The following SIDT1 variants were observed in gnomAD, a reference collection of about 807,000 sequenced individuals.
SIDT1 encodes the protein SID1 transmembrane family, member 1.
Under a neutral mutation model 107.5 loss-of-function variants are expected in SIDT1, and 101 were observed. The observed-to-expected ratio is 0.94, with a 90% CI of 0.80 to 1.11. SIDT1 has a LOEUF of 1.11. Ranked by LOEUF, SIDT1 falls within the 50% of genes least tolerant of loss-of-function variation. The probability of loss-of-function intolerance (pLI) is 0.00; values close to 1 mark genes in which losing one functional copy is unlikely to be tolerated. For synonymous variants in SIDT1, 395 were observed against 398.2 expected, an observed-to-expected ratio of 0.99 and a Z score of 0.10; for missense variants, 1,076 against 1,058.2, an observed-to-expected ratio of 1.02 and a Z score of -0.23.
At position 113,619,005 on chromosome 3, in the gene SIDT1, A is replaced by G. The variant is rs536203199; in HGVS notation, c.2044-675A>G. On this transcript the variant is annotated intron_variant, in intron 20 of 24. Transcript: ENST00000264852. ...ACACCTGGCCAATTTTTGTATTTTT[A>G]GTAGAGACAGGCTTTCACCATGTCA... Among the ~76,000 whole-genome samples, 15 of 152,100 alleles carry G rather than the reference A, an allele frequency of 9.9e-5. No homozygotes were observed. In the East Asian group the frequency reaches 2.7e-3, roughly 27 times the overall value.
At chr3:113,634,252 T>G (rs1369086697), downstream of SIDT1, among the ~76,000 whole-genome samples, 2 of 152,200 alleles carry the variant, frequency 1.3e-5, no homozygotes, top group Non-Finnish European at 2.9e-5. Flanking sequence ...GGACTGAAGC[T>G]TTCAGTCTGC....
At chr3:113,541,900 A>G (rs761029495) in intron 1 of SIDT1, among the ~76,000 whole-genome samples, 5 of 148,698 alleles carry the variant, frequency 3.4e-5, no homozygotes, top group African/African-American at 5.0e-5. Context: ...GACTTTATCT[A>G]GTAGGTCAAT....
At chr3:113,591,702 C>T (rs1368065801) in intron 9 of SIDT1, among the ~76,000 whole-genome samples, 1 of 152,214 alleles carries the variant, frequency 6.6e-6, no homozygotes, top group East Asian at 1.9e-4. Flanking sequence ...GGATGAAAGA[C>T]TCTTCTTGCT....
At chr3:113,598,438 G>A (rs1191387090) in intron 10 of SIDT1, among the ~76,000 whole-genome samples, 1 of 152,160 alleles carries the variant, frequency 6.6e-6, no homozygotes, top group Non-Finnish European at 1.5e-5. Context: ...CTGACCTCCA[G>A]TATTTTCTTA....
At chr3:113,578,593 A>T (rs1307963802) in intron 4 of SIDT1, among the ~76,000 whole-genome samples, 1 of 152,096 alleles carries the variant, frequency 6.6e-6, no homozygotes, top group Non-Finnish European at 1.5e-5. Flanking sequence ...TGCACCTGTA[A>T]TCCCAACACT....
intron 1 of SIDT1, among the ~76,000 whole-genome samples, chr3:113,562,806 A>T (rs1027361150): frequency 6.6e-6 from 1 of 152,230 alleles, no homozygotes; most frequent in Non-Finnish European, 1.5e-5. Context: ...TGGTGAATAT[A>T]TTAAAAACTA....
At chr3:113,575,604 A>C (rs558747675) in intron 3 of SIDT1, among the ~76,000 whole-genome samples, 1 of 152,370 alleles carries the variant, frequency 6.6e-6, no homozygotes, top group East Asian at 1.9e-4. Flanking sequence ...TAGATATATA[A>C]AAATTACATC....
downstream of SIDT1, among the ~76,000 whole-genome samples, chr3:113,631,220 A>G (rs1947092050): frequency 6.6e-6 from 1 of 152,216 alleles, no homozygotes; most frequent in African/African-American, 2.4e-5. Context: ...TAGCTATTAC[A>G]ACCCTATTTC....
chr3:113,548,850 T>C (rs1212280446), intron 1 of SIDT1, among the ~76,000 whole-genome samples: 1 of 152,150 alleles, frequency 6.6e-6, no homozygotes, highest in Non-Finnish European at 1.5e-5. Context: ...AATCTAACTG[T>C]GTCTTTGGGT....
Position 113,623,640 on chromosome 3 carries a change from G to T in SIDT1, c.2214G>T (p.Lys738Asn), listed in dbSNP as rs1946637000. ...TCCCACAGCTCCGCAGCTCTGAAAAGGTCCTCCCAGTCCCGCTCTTCTGCA... is the reference window on the plus strand; with the variant it reads ...TCCCACAGCTCCGCAGCTCTGAAAATGTCCTCCCAGTCCCGCTCTTCTGCA... ...YIIMKLRSSE[K>N]VLPVPLFCIV... The change falls in exon 23 of 25, where the codon AAG becomes AAT. Residue 738 changes from lysine (K) to asparagine (N), a missense_variant. Coordinates refer to ENST00000264852, the MANE Select transcript of SIDT1 (RefSeq NM_017699.3). The T allele has an allele frequency of 6.2e-7, 1 of 1,613,858 alleles. No individual in the cohort carries two copies. The highest frequency in any genetic ancestry group is 1.3e-5 in the African/African-American group (1 of 74,938).
In SIDT1 at chr3:113,578,297, C is replaced by A. The variant is rs543267187; in HGVS notation, c.561+1330C>A. On this transcript the variant is annotated intron_variant, in intron 4 of 24. Coordinates refer to ENST00000264852, the MANE Select transcript of SIDT1 (RefSeq NM_017699.3). The stretch of plus-strand genomic sequence containing the variant: ...TGGCTAACACGGTGAAACGTCGTCT[C>A]TACTAAAAAAATACAAAAAATTACC... 1.9e-4 allele frequency among the ~76,000 whole-genome samples: 29 copies of A among 151,946 alleles called. No individual in the cohort carries two copies. The East Asian group carries it at 4.9e-3, about 26-fold the overall frequency.
At chr3:113,552,533 A>G (rs943701123) in intron 1 of SIDT1, among the ~76,000 whole-genome samples, 3 of 152,192 alleles carry the variant, frequency 2.0e-5, no homozygotes, top group Non-Finnish European at 4.4e-5. Flanking sequence ...GTAGCTCACA[A>G]AAGTAAGTTA....
chr3:113,619,804 T>C, intron 21 of SIDT1, 78 bp downstream of exon 21: 1 of 1,313,680 alleles, frequency 7.6e-7, no homozygotes, highest in Non-Finnish European at 1.1e-6. Flanking sequence ...TTGACTGTCA[T>C]TTTTACAAAG....
Position 113,616,087 on chromosome 3 carries a change from G to A in SIDT1, c.1967-13G>A. 2 of 1,603,960 alleles carry A rather than the reference G, an allele frequency of 1.2e-6. No individual in the cohort carries two copies. Among genetic ancestry groups the A allele is most frequent in the Non-Finnish European group, 1.7e-6 (2 of 1,170,724 alleles). Reference sequence around the variant, plus strand: ...GACTAAGCCTTCTCACCATGCATTTGTATTATCAGCAGATTTGGGAATTTT... The same window carrying A: ...GACTAAGCCTTCTCACCATGCATTTATATTATCAGCAGATTTGGGAATTTT... On this transcript the variant is annotated splice_polypyrimidine_tract_variant and intron_variant, in intron 19 of 24. Coordinates refer to ENST00000264852, the MANE Select transcript of SIDT1 (RefSeq NM_017699.3).
intron 1 of SIDT1, among the ~76,000 whole-genome samples, chr3:113,563,150 GT>G (rs1192241775): frequency 6.6e-6 from 1 of 152,184 alleles, no homozygotes; most frequent in Non-Finnish European, 1.5e-5. Context: ...GGATCTGTTG[GT>G]AGGCAAAGAA....
At chr3:113,547,900 G>A (rs933900370) in intron 1 of SIDT1, among the ~76,000 whole-genome samples, 2 of 152,000 alleles carry the variant, frequency 1.3e-5, no homozygotes, top group African/African-American at 4.8e-5. Context: ...TTAAAGGTGA[G>A]GATCACCTAT....
At chr3:113,553,950 G>A (rs1940562560) in intron 1 of SIDT1, among the ~76,000 whole-genome samples, 1 of 152,192 alleles carries the variant, frequency 6.6e-6, no homozygotes, top group South Asian at 2.1e-4. Flanking sequence ...GGGAGGTTGA[G>A]GCAGGAGAAT....
chr3:113,567,120 GA>G, intron 2 of SIDT1, among the ~76,000 whole-genome samples: 1 of 152,196 alleles, frequency 6.6e-6, no homozygotes, highest in Non-Finnish European at 1.5e-5. Flanking sequence ...CTCGAGGACT[GA>G]AATACTAACT....
At chr3:113,604,845 A>G in intron 13 of SIDT1, 65 bp from the exon 14 acceptor site, 1 of 1,578,468 alleles carries the variant, frequency 6.3e-7, no homozygotes, top group Non-Finnish European at 8.7e-7. Context: ...TCTTTTAAAA[A>G]TATTAACCAA....
Sources: allele counts gnomAD v4.1 joint callset (sites outside exome capture counted in the v4.1 genomes callset), GRCh38; gene constraint gnomAD v4.1.1; transcripts MANE v1.5; gene names NCBI Gene and HGNC (gene_info 2026-07-23, HGNC 2026-07-21).